The following TEAD4 variants were observed in gnomAD, a reference collection of about 807,000 sequenced individuals.
The protein encoded by TEAD4 is transcriptional enhancer factor TEF-3.
Under a neutral mutation model 52.4 loss-of-function variants are expected in TEAD4, and 36 were observed. That is an observed-to-expected ratio of 0.69 (90% CI 0.53 to 0.91). The LOEUF (loss-of-function observed/expected upper bound fraction) is 0.91, where lower values mean the gene tolerates loss of function less well. TEAD4 is among the 40% of genes least tolerant of loss of function. The probability of loss-of-function intolerance (pLI) is 0.00; values close to 1 mark genes in which losing one functional copy is unlikely to be tolerated. For synonymous variants in TEAD4, 220 were observed against 231.0 expected, an observed-to-expected ratio of 0.95 and a Z score of 0.43; for missense variants, 508 against 583.9, an observed-to-expected ratio of 0.87 and a Z score of 1.34.
chr12:2,995,260 C>G (rs1373335453), intron 3 of TEAD4, among the ~76,000 whole-genome samples: 1 of 152,082 alleles, frequency 6.6e-6, no homozygotes, highest in African/African-American at 2.4e-5. Context: ...GTAGAACATC[C>G]CCCCAGAGCA....
At chr12:3,004,524 G>A (rs2098254291) in intron 3 of TEAD4, among the ~76,000 whole-genome samples, 1 of 152,096 alleles carries the variant, frequency 6.6e-6, no homozygotes, top group African/African-American at 2.4e-5. Flanking sequence ...CCACAGATGG[G>A]CACTGGCACC....
intron 10 of TEAD4, among the ~76,000 whole-genome samples, chr12:3,035,165 T>C (rs1399988948): frequency 1.3e-5 from 2 of 152,196 alleles, no homozygotes; most frequent in African/African-American, 4.8e-5. Context: ...AATAGAATCC[T>C]TGATTTCATG....
At chr12:3,021,020 T>C (rs2098268339) in intron 9 of TEAD4, among the ~76,000 whole-genome samples, 2 of 152,070 alleles carry the variant, frequency 1.3e-5, no homozygotes, top group South Asian at 2.1e-4. Context: ...CCTCCCTCCC[T>C]GTCCTGTGTT....
chr12:3,037,599 C>G (rs1340692842), intron 10 of TEAD4, among the ~76,000 whole-genome samples: 1 of 152,188 alleles, frequency 6.6e-6, no homozygotes, highest in Admixed American at 6.5e-5. Flanking sequence ...TAAAATAGAG[C>G]TGACTGGTAG....
intron 3 of TEAD4, among the ~76,000 whole-genome samples, chr12:3,009,548 C>T (rs2098258593): frequency 1.3e-5 from 2 of 152,254 alleles, no homozygotes; most frequent in South Asian, 2.1e-4. Context: ...TAGCCTGGCT[C>T]ACCAGCTCCC....
chr12:3,004,256 CG>C (rs377742745), intron 3 of TEAD4, among the ~76,000 whole-genome samples: 39 of 152,286 alleles, frequency 2.6e-4, no homozygotes, highest in African/African-American at 9.1e-4. Context: ...TCAGCCCTGT[CG>C]GGGGAGCATA....
intron 2 of TEAD4, among the ~76,000 whole-genome samples, chr12:2,983,337 C>T (rs1769529347): frequency 6.6e-6 from 1 of 152,300 alleles, no homozygotes; most frequent in African/African-American, 2.4e-5. Context: ...GCGGGACAGC[C>T]TTCCGGGATG....
intron 3 of TEAD4, among the ~76,000 whole-genome samples, chr12:3,004,671 A>C (rs912514168): frequency 6.6e-6 from 1 of 152,226 alleles, no homozygotes; most frequent in African/African-American, 2.4e-5. Context: ...GAAAGGGTGA[A>C]TGCAGATAAA....
chr12:3,037,952 C>T lies in TEAD4; in HGVS notation c.898-16C>T, dbSNP rs145549431. 10 of 1,606,504 alleles carry T rather than the reference C, an allele frequency of 6.2e-6. No homozygotes were observed. In the East Asian group the frequency reaches 6.7e-5, roughly 11 times the overall value. On this transcript the variant is annotated splice_polypyrimidine_tract_variant and intron_variant, in intron 10 of 12. Transcript: ENST00000359864. ...ACCTGCTGACACTCCCTCGCCTTCC[C>T]ACTGTCTCCCTCCAGGCAGACCTCA...
At chr12:2,983,341 C>A (rs922752553) in intron 2 of TEAD4, among the ~76,000 whole-genome samples, 1 of 152,108 alleles carries the variant, frequency 6.6e-6, no homozygotes, top group African/African-American at 2.4e-5. Flanking sequence ...GACAGCCTTC[C>A]GGGATGGATC....
intron 10 of TEAD4, among the ~76,000 whole-genome samples, chr12:3,024,612 G>A (rs901817394): frequency 6.6e-6 from 1 of 151,996 alleles, no homozygotes; most frequent in East Asian, 1.9e-4. Context: ...AGCCAAAATC[G>A]CACCATTGCA....
At chr12:2,981,280 C>T (rs1259529015) in intron 2 of TEAD4, among the ~76,000 whole-genome samples, 2 of 152,238 alleles carry the variant, frequency 1.3e-5, no homozygotes, top group Non-Finnish European at 2.9e-5. Context: ...ACAGCCCACC[C>T]GGCACTACCT....
chr12:2,993,449 C>T (rs1319767392), intron 2 of TEAD4, among the ~76,000 whole-genome samples: 1 of 151,838 alleles, frequency 6.6e-6, no homozygotes, highest in Non-Finnish European at 1.5e-5. Flanking sequence ...CTGCACCCTG[C>T]CGACTACTTT....
At chr12:3,035,028 C>G (rs10848769) in intron 10 of TEAD4, among the ~76,000 whole-genome samples, 140,148 of 152,162 alleles carry the variant, frequency 0.92, 65,420 homozygotes, top group East Asian at 1. Flanking sequence ...TTGAACCCGG[C>G]AGGCGAAGGT....
chr12:2,996,183 G>GCC (rs2098246966), intron 3 of TEAD4, among the ~76,000 whole-genome samples: 1 of 152,070 alleles, frequency 6.6e-6, no homozygotes, highest in African/African-American at 2.4e-5. Context: ...TGACAACGGG[G>GCC]CCCCTGCCTG....
chr12:3,037,043 C>T (rs991482287), intron 10 of TEAD4, among the ~76,000 whole-genome samples: 3 of 152,158 alleles, frequency 2.0e-5, no homozygotes, highest in African/African-American at 7.2e-5. Context: ...TCCGCCTTTT[C>T]TAGAAGGGAA....
intron 2 of TEAD4, among the ~76,000 whole-genome samples, chr12:2,966,248 A>C (rs2098220124): frequency 6.6e-6 from 1 of 151,964 alleles, no homozygotes; most frequent in Non-Finnish European, 1.5e-5. Context: ...TGCTTGACCC[A>C]CTACGCTGGA....
intron 10 of TEAD4, among the ~76,000 whole-genome samples, chr12:3,033,130 C>T (rs1419957724): frequency 6.6e-6 from 1 of 152,212 alleles, no homozygotes; most frequent in Non-Finnish European, 1.5e-5. Context: ...GCTGGAGAGG[C>T]AATCAGAACC....
At chr12:3,014,799 G>A (rs953529588) in intron 5 of TEAD4, among the ~76,000 whole-genome samples, 3 of 152,176 alleles carry the variant, frequency 2.0e-5, no homozygotes, top group Non-Finnish European at 2.9e-5. Flanking sequence ...CCCTGCCCAG[G>A]CCGCGGTTTC....
Sources: allele counts gnomAD v4.1 joint callset (sites outside exome capture counted in the v4.1 genomes callset), GRCh38; gene constraint gnomAD v4.1.1; transcripts MANE v1.5; gene names NCBI Gene and HGNC (gene_info 2026-07-23, HGNC 2026-07-21).